LZTR1: variants seen among roughly 807,000 people sequenced by gnomAD.
LZTR1 encodes leucine-zipper-like transcriptional regulator 1.
In LZTR1, 260 loss-of-function variants were observed where a neutral mutation model predicts 105.7. The ratio of observed to expected loss-of-function variants is 2.46; its 90% confidence interval spans 2.22 to 2.72. LZTR1 has a LOEUF of 2.72. LZTR1 is among the 30% of genes most tolerant of loss of function. LZTR1 has a pLI of 0.00. For synonymous variants in LZTR1, 490 were observed against 476.4 expected (o/e 1.03, Z -0.37); for missense variants, 1,214 against 1,166.9 (o/e 1.04, Z -0.59).
At chr22:20,993,218 A>T in intron 11 of LZTR1, 1 of 416,962 alleles carries the variant, frequency 2.4e-6, no homozygotes, top group Non-Finnish European at 4.4e-6. Flanking sequence ...GCCAGGGCCG[A>T]CAGTGGCTTG....
rs780780554 is a variant in LZTR1 at position 20,995,942 on chromosome 22, C to T, written c.2070-21C>T. On this transcript the variant is annotated intron_variant, in intron 17 of 20. Transcript: ENST00000646124. ...TCTTCGTTCTGCTGACGGCCAGGTG[C>T]CTACCGCTCGTTGTCTGCAGCTACT... 4 of 1,613,378 alleles carry T rather than the reference C, an allele frequency of 2.5e-6. No homozygotes were observed. In the Admixed American group the frequency reaches 5.0e-5, roughly 20 times the overall value.
chr22:20,983,925 C>T (rs986379468), intron 2 of LZTR1, among the ~76,000 whole-genome samples: 1 of 152,236 alleles, frequency 6.6e-6, no homozygotes, highest in Non-Finnish European at 1.5e-5. Context: ...TAATGCCTCC[C>T]TGCCTCTCTG....
intron 4 of LZTR1, 83 bp from the exon 5 acceptor site, chr22:20,987,927 G>A (rs925510376): frequency 1.2e-6 from 1 of 831,960 alleles, no homozygotes. Flanking sequence ...TTTCAGGGGG[G>A]CCAGATTCTG....
intron 3 of LZTR1, among the ~76,000 whole-genome samples, 161 bp from the exon 4 acceptor site, chr22:20,987,343 C>G (rs1231667747): frequency 2.7e-5 from 4 of 149,218 alleles, no homozygotes; most frequent in East Asian, 4.0e-4. Context: ...GAGCCGGGAT[C>G]GTGCCACTGC....
intron 4 of LZTR1, 88 bp downstream of exon 4, chr22:20,987,671 G>C: frequency 2.5e-6 from 3 of 1,216,978 alleles, no homozygotes; most frequent in Non-Finnish European, 3.7e-6. Flanking sequence ...ATTTGTGCTC[G>C]TGCTGTGTAC....
chr22:20,986,197 TCTCTCA>T (rs1924374088), intron 3 of LZTR1: 1 of 307,278 alleles, frequency 3.3e-6, no homozygotes, highest in African/African-American at 2.1e-5. Context: ...CTATGTCTTT[TCTCTCA>T]CACTTGATTT....
rs1423472953 is a variant in LZTR1 at position 20,989,667 on chromosome 22, C to T, written c.636C>T (p.Leu212=). ...MWTIGLQDRE[L]TCWEEVAQSG... is the part of the protein sequence containing the mutation. ...CAATTGGCCTCCAGGACCGAGAGCT[C>T]ACCTGCTGGGAGGAGGTGAGGGGCG... Residue 212 remains leucine (L), a synonymous_variant, in exon 7 of 21, where the codon CTC becomes CTT. Transcript: ENST00000646124. 12 of 1,612,032 alleles carry T rather than the reference C, an allele frequency of 7.4e-6. No individual in the cohort carries two copies. Among genetic ancestry groups the T allele is most frequent in the Non-Finnish European group, 7.6e-6 (9 of 1,179,710 alleles).
rs376750025 is a variant in LZTR1 at position 20,996,689 on chromosome 22, G to A, written c.2220-7G>A. 1.9e-6 allele frequency: 3 copies of A among 1,612,868 alleles called. No homozygotes were observed. Among genetic ancestry groups the A allele is most frequent in the African/African-American group, 1.3e-5 (1 of 74,854 alleles). On this transcript the variant is annotated splice_region_variant and splice_polypyrimidine_tract_variant and intron_variant, in intron 18 of 20. Coordinates refer to ENST00000646124, the MANE Select transcript of LZTR1 (RefSeq NM_006767.4). ...TTCCTTTAGTCAGCTCCTTAACCAG[G>A]CCCCAGCTACTTGTTTGCGGCCCCC...
intron 12 of LZTR1, 53 bp downstream of exon 12, chr22:20,993,807 A>G: frequency 6.3e-7 from 1 of 1,579,036 alleles, no homozygotes; most frequent in Admixed American, 1.7e-5. Flanking sequence ...GGCAGTGGGA[A>G]TTTCGCCCCT....
At position 20,987,500 on chromosome 22, in the gene LZTR1, C is replaced by T. The variant is rs763777373; in HGVS notation, c.321-4C>T. 6.2e-7 allele frequency: 1 copy of T among 1,606,860 alleles called. No homozygotes were observed. The highest frequency in any genetic ancestry group is 8.5e-7 in the Non-Finnish European group (1 of 1,173,424). ...GACTCTCACCACCCCTGTGCCCACC[C>T]CAGGGCCTTTACCACTGGGACCCCA... On this transcript the variant is annotated splice_region_variant and splice_polypyrimidine_tract_variant and intron_variant, in intron 3 of 20. Transcript: ENST00000646124.
At chr22:20,992,476 G>A in intron 10 of LZTR1, 107 bp downstream of exon 10, 1 of 1,276,024 alleles carries the variant, frequency 7.8e-7, no homozygotes, top group Non-Finnish European at 1.1e-6. Flanking sequence ...TACTTGCTTG[G>A]GGTCACACCA....
At position 20,998,095 on chromosome 22, in the gene LZTR1, T is replaced by G. The variant is rs1022907708; in HGVS notation, c.*747T>G. 5 of 152,244 alleles carry G rather than the reference T, an allele frequency of 3.3e-5. No homozygotes were observed. The highest frequency in any genetic ancestry group is 1.2e-4 in the African/African-American group (5 of 41,418). 9.4% of individuals were successfully genotyped at this position (152,244 alleles called of 1,614,324 possible). ...TATTCTGTCACAGACAAGCCTCCAT[T>G]AAAGCCACAGCAGTGCTACCCACCA... On this transcript the variant is annotated 3_prime_UTR_variant, in exon 21 of 21. Coordinates refer to ENST00000646124, the MANE Select transcript of LZTR1 (RefSeq NM_006767.4).
rs760758594 is a variant in LZTR1 at position 20,992,354 on chromosome 22, C to A, written c.1134C>A (p.Thr378=). The stretch of plus-strand genomic sequence containing the variant: ...GCACCACCTCAGCCAAGCAGCCCAC[C>A]CAGCCTGCCTCGGAGGTACAGGCTG... ...DFGTTSAKQP[T]QPASELPSGR... Residue 378 remains threonine (T), a synonymous_variant, in exon 10 of 21, where the codon ACC becomes ACA. Coordinates refer to ENST00000646124, the MANE Select transcript of LZTR1 (RefSeq NM_006767.4). 2.5e-6 allele frequency: 4 copies of A among 1,613,592 alleles called. No homozygotes were observed. Among genetic ancestry groups the A allele is most frequent in the Non-Finnish European group, 2.5e-6 (3 of 1,179,836 alleles).
At chr22:20,982,603 G>A in intron 1 of LZTR1, 32 bp downstream of exon 1, 1 of 1,601,586 alleles carries the variant, frequency 6.2e-7, no homozygotes. Flanking sequence ...CCTGAGGACA[G>A]GAAGGGCGAT....
Position 20,991,721 on chromosome 22 carries a change from C to A in LZTR1, c.885C>A (p.His295Gln). The A allele has an allele frequency of 6.3e-7, 1 of 1,586,552 alleles. No homozygotes were observed. Among genetic ancestry groups the A allele is most frequent in the Non-Finnish European group, 8.6e-7 (1 of 1,166,812 alleles). Residue 295 changes from histidine (H) to glutamine (Q), a missense_variant, in exon 9 of 21, where the codon CAC becomes CAA. By Grantham distance (24) the His-to-Gln change is conservative. Transcript: ENST00000646124. The stretch of plus-strand genomic sequence containing the variant: ...ATACCATGGTGGCCTTTGACCGCCA[C>A]CTCTATGTGTTTGGGGGTGCGGCCG... ...YGHTMVAFDR[H>Q]LYVFGGAADN...
chr22:20,989,027 G>C (rs893500225), intron 6 of LZTR1, among the ~76,000 whole-genome samples, 155 bp downstream of exon 6: 6 of 152,200 alleles, frequency 3.9e-5, no homozygotes, highest in Non-Finnish European at 8.8e-5. Context: ...AGGGGGATGG[G>C]GAAAGAGGAG....
intron 14 of LZTR1, 87 bp from the exon 15 acceptor site, chr22:20,994,471 C>T (rs574551508): frequency 1.4e-6 from 2 of 1,449,330 alleles, no homozygotes; most frequent in African/African-American, 2.8e-5. Context: ...TGGCCCCAGC[C>T]CACACTCTTC....
rs941815254 is a variant in LZTR1, at chr22:20,998,860, G to A, written c.*1512G>A. On this transcript the variant is annotated 3_prime_UTR_variant, in exon 21 of 21. Transcript: ENST00000646124. ...CATCTACCCAGTTTCCACAAGATGT[G>A]GCTCCTGCCACACCCACAGGGCAGC... The A allele has an allele frequency of 3.3e-5, 5 of 152,258 alleles. No individual in the cohort carries two copies. Among genetic ancestry groups the A allele is most frequent in the African/African-American group, 1.2e-4 (5 of 41,438 alleles). The allele number at this position is 152,258 out of a possible 1,614,324, so 9.4% of individuals were successfully genotyped here.
intron 18 of LZTR1, 192 bp downstream of exon 18, chr22:20,996,304 T>C: frequency 3.1e-6 from 2 of 645,598 alleles, no homozygotes. Flanking sequence ...AAGGAGGGGT[T>C]TGCAGCCAGG....
Sources: allele counts gnomAD v4.1 joint callset (sites outside exome capture counted in the v4.1 genomes callset), GRCh38; gene constraint gnomAD v4.1.1; transcripts MANE v1.5; gene names NCBI Gene and HGNC (gene_info 2026-07-23, HGNC 2026-07-21).